The following TMEM184C variants were observed in gnomAD, a reference collection of about 807,000 sequenced individuals.
TMEM184C encodes the protein transmembrane protein 184C, also known as transmembrane protein 34.
A neutral mutation model predicts 54.5 loss-of-function variants in TMEM184C; 25 were observed. The ratio of observed to expected loss-of-function variants is 0.46; its 90% CI spans 0.33 to 0.64. The LOEUF is 0.64. TMEM184C is among the 30% of genes least tolerant of loss of function. The pLI, the probability that TMEM184C is intolerant of heterozygous loss-of-function variation, is 0.02. For missense variants in TMEM184C, 335 were observed against 520.3 expected, an observed-to-expected ratio of 0.64 and a Z score of 3.46; for synonymous variants, 148 against 181.5, an observed-to-expected ratio of 0.82 and a Z score of 1.49.
intron 6 of TMEM184C, 113 bp from the exon 7 acceptor site, chr4:147,631,280 C>G: frequency 1.5e-6 from 1 of 675,132 alleles, no homozygotes; most frequent in Non-Finnish European, 2.4e-6. Context: ...ATAATAAAGC[C>G]TAGAAAAGTT....
chr4:147,634,113 G>GGTAA (rs1732966066), intron 9 of TMEM184C, 56 bp from the exon 10 acceptor site: 3 of 1,559,850 alleles, frequency 1.9e-6, no homozygotes, highest in African/African-American at 1.4e-5. Context: ...TTTTTAGAAT[G>GGTAA]GTAAGTTTAT....
chr4:147,635,215 T>A lies in TMEM184C; in HGVS notation c.*781T>A, dbSNP rs1732996726. 1 of 152,194 alleles carries A rather than the reference T, an allele frequency of 6.6e-6. No individual in the cohort carries two copies. The highest frequency in any genetic ancestry group is 1.5e-5 in the Non-Finnish European group (1 of 68,044). 9.4% of individuals were successfully genotyped at this position (152,194 alleles called of 1,614,324 possible). A position where few individuals can be genotyped will look rare whatever the true frequency, so the allele number is the denominator to read the frequency against. On this transcript the variant is annotated 3_prime_UTR_variant, in exon 10 of 10. Transcript: ENST00000296582. ...ATGTCTTTCAATAAATAAGAATTTA[T>A]CATTTATTTTCTGCAACTTTTTTAT...
intron 1 of TMEM184C, among the ~76,000 whole-genome samples, chr4:147,618,537 AG>A (rs1414308535): frequency 6.6e-6 from 1 of 152,170 alleles, no homozygotes; most frequent in Non-Finnish European, 1.5e-5. Flanking sequence ...TACCCAACAA[AG>A]GTTTTGCAAA....
At chr4:147,630,248 A>G (rs1732892079) in intron 6 of TMEM184C, among the ~76,000 whole-genome samples, 1 of 152,098 alleles carries the variant, frequency 6.6e-6, no homozygotes, top group South Asian at 2.1e-4. Flanking sequence ...CAAGCTTAAA[A>G]AAATGTGCAT....
chr4:147,624,581 C>G (rs1401757001), intron 3 of TMEM184C, among the ~76,000 whole-genome samples: 1 of 151,128 alleles, frequency 6.6e-6, no homozygotes, highest in Admixed American at 6.9e-5. Context: ...ATTTACCCCT[C>G]AAACACTTGT....
chr4:147,627,676 G>A (rs2126551513), intron 4 of TMEM184C, among the ~76,000 whole-genome samples: 1 of 152,332 alleles, frequency 6.6e-6, no homozygotes, highest in East Asian at 1.9e-4. Flanking sequence ...TACTCAGGAG[G>A]ATCACTTGAG....
intron 6 of TMEM184C, among the ~76,000 whole-genome samples, chr4:147,630,128 A>G (rs567766584): frequency 6.6e-6 from 1 of 152,144 alleles, no homozygotes; most frequent in Admixed American, 6.5e-5. Flanking sequence ...CTCTGTTATC[A>G]TATATTTGAA....
At chr4:147,623,734 TCC>T in intron 1 of TMEM184C, 98 bp from the exon 2 acceptor site, 1 of 1,182,490 alleles carries the variant, frequency 8.5e-7, no homozygotes, top group Non-Finnish European at 1.2e-6. Flanking sequence ...CACCTCGGCC[TCC>T]CCAAGTGCTA....
intron 1 of TMEM184C, among the ~76,000 whole-genome samples, chr4:147,623,554 TAAAA>T (rs772418583): frequency 1.4e-5 from 2 of 139,924 alleles, no homozygotes; most frequent in East Asian, 4.3e-4. Flanking sequence ...CTTTTCCCCT[TAAAA>T]AAAAAAAAAG....
Position 147,634,537 on chromosome 4 carries a change from C to T in TMEM184C, c.*103C>T. The T allele has an allele frequency of 2.2e-6, 3 of 1,361,864 alleles. No homozygotes were observed. The highest frequency in any genetic ancestry group is 3.0e-6 in the Non-Finnish European group (3 of 1,005,660). 84.4% of individuals were successfully genotyped at this position (1,361,864 alleles called of 1,614,324 possible). Reference sequence around the variant, plus strand: ...GACCATAAATGATGGAAAATGTCAACACAAAAATAGCTGAAAGCCAGGTAC... The same window carrying T: ...GACCATAAATGATGGAAAATGTCAATACAAAAATAGCTGAAAGCCAGGTAC... On this transcript the variant is annotated 3_prime_UTR_variant, in exon 10 of 10. Coordinates refer to ENST00000296582, the MANE Select transcript of TMEM184C (RefSeq NM_018241.3).
At position 147,632,815 on chromosome 4, in the gene TMEM184C, T is replaced by C. The variant is rs953768627; in HGVS notation, c.780-88T>C. The stretch of plus-strand genomic sequence containing the variant: ...GGTGGTGGTGGTACACAGGTTGCAC[T>C]GGATTTTTTTTTAATGGCACATTTT... On this transcript the variant is annotated intron_variant, in intron 7 of 9. Coordinates refer to ENST00000296582, the MANE Select transcript of TMEM184C (RefSeq NM_018241.3). The C allele has an allele frequency of 4.2e-6, 5 of 1,191,238 alleles. No individual in the cohort carries two copies. In the African/African-American group the frequency reaches 7.6e-5, roughly 18 times the overall value. 73.8% of individuals were successfully genotyped at this position (1,191,238 alleles called of 1,614,324 possible).
chr4:147,634,436 C>CT lies in TMEM184C; in HGVS notation c.*2_*3insT, dbSNP rs767942054. ...TCAGATAAATCCGTGGATTCCTGAA[C>CT]AGTATGGAAAAGCAAACTGTGCAAC... On this transcript the variant is annotated 3_prime_UTR_variant, in exon 10 of 10. Transcript: ENST00000296582. The CT allele has an allele frequency of 5.6e-5, 91 of 1,612,998 alleles. No individual in the cohort carries two copies. The highest frequency in any genetic ancestry group is 7.0e-5 in the Non-Finnish European group (82 of 1,179,586).
chr4:147,629,569 T>C, intron 5 of TMEM184C, 30 bp from the exon 6 acceptor site: 2 of 1,517,842 alleles, frequency 1.3e-6, no homozygotes, highest in Non-Finnish European at 9.0e-7. Context: ...TTTGATTTAA[T>C]CAGAGATATC....
At chr4:147,619,505 T>C (rs1409026194) in intron 1 of TMEM184C, among the ~76,000 whole-genome samples, 1 of 152,220 alleles carries the variant, frequency 6.6e-6, no homozygotes, top group African/African-American at 2.4e-5. Context: ...CATATAGTTA[T>C]TTTTAATGGC....
chr4:147,628,939 T>C (rs191635990), intron 5 of TMEM184C, among the ~76,000 whole-genome samples: 1 of 152,218 alleles, frequency 6.6e-6, no homozygotes, highest in South Asian at 2.1e-4. Flanking sequence ...TCAAATACTT[T>C]AATGCCAATA....
chr4:147,633,802 T>A lies in TMEM184C; in HGVS notation c.917T>A (p.Ile306Asn). ...IICIEMFLAA[I>N]AHHYTFSYKP... is the part of the protein sequence containing the mutation. ...TGTATTGAGATGTTCCTCGCTGCCA[T>A]TGCTCATCATTACACATTCTCATAT... is the stretch of plus-strand genomic sequence containing the variant. The change falls in exon 9 of 10, where the codon ATT becomes AAT. Residue 306 changes from isoleucine (I) to asparagine (N), a missense_variant. Coordinates refer to ENST00000296582, the MANE Select transcript of TMEM184C (RefSeq NM_018241.3). 1 of 1,610,388 alleles carries A rather than the reference T, an allele frequency of 6.2e-7. No individual in the cohort carries two copies. The highest frequency in any genetic ancestry group is 8.5e-7 in the Non-Finnish European group (1 of 1,178,284).
In TMEM184C at chr4:147,623,851, G is replaced by C. The variant is rs1732761358; in HGVS notation, c.141G>C (p.Lys47Asn). The C allele has an allele frequency of 7.4e-6, 12 of 1,613,816 alleles. No individual in the cohort carries two copies. Among genetic ancestry groups the C allele is most frequent in the East Asian group, 2.2e-5 (1 of 44,840 alleles). The change falls in exon 2 of 10, where the codon AAG becomes AAC. Residue 47 changes from lysine to asparagine, a missense_variant. Transcript: ENST00000296582. ...TTCTTAAGGTTGGAATACACACCAA[G>C]GCTTGGTTTATTGCTGGAATCTTTT... ...LQKLEVGIHT[K>N]AWFIAGIFLL...
Position 147,633,948 on chromosome 4 carries a change from C to A in TMEM184C, c.1051+12C>A. 6.2e-7 allele frequency: 1 copy of A among 1,603,340 alleles called. No homozygotes were observed. The highest frequency in any genetic ancestry group is 8.5e-7 in the Non-Finnish European group (1 of 1,175,240). On this transcript the variant is annotated intron_variant, in intron 9 of 9. Transcript: ENST00000296582. ...AGTAAGGCATGTTGGTAAGTACCAG[C>A]TATTTAATTCAACCAAATAGGTTGG...
At position 147,635,584 on chromosome 4, in the gene TMEM184C, C is replaced by A. The variant is rs1278550325; in HGVS notation, c.*1150C>A. 1 of 152,128 alleles carries A rather than the reference C, an allele frequency of 6.6e-6. No individual in the cohort carries two copies. The highest frequency in any genetic ancestry group is 1.5e-5 in the Non-Finnish European group (1 of 68,014). The allele number at this position is 152,128 out of a possible 1,614,324, so 9.4% of individuals were successfully genotyped here. A position where few individuals can be genotyped will look rare whatever the true frequency, so the allele number is the denominator to read the frequency against. On this transcript the variant is annotated 3_prime_UTR_variant, in exon 10 of 10. Transcript: ENST00000296582. The stretch of plus-strand genomic sequence containing the variant: ...AAAGATGAGTATTGTTTCTCAAAGC[C>A]TTTGCTTTATGTATTTATACACATA...
Sources: allele counts gnomAD v4.1 joint callset (sites outside exome capture counted in the v4.1 genomes callset), GRCh38; gene constraint gnomAD v4.1.1; transcripts MANE v1.5; gene names NCBI Gene and HGNC (gene_info 2026-07-23, HGNC 2026-07-21).